The following YBEY variants were observed in gnomAD, a reference collection of about 807,000 sequenced individuals.
YBEY encodes endoribonuclease YbeY.
In YBEY, 15 loss-of-function variants were observed where a neutral mutation model predicts 13.5. That is an observed-to-expected ratio of 1.11 (90% CI 0.75 to 1.72). YBEY has a LOEUF of 1.72. Ranked by LOEUF, YBEY falls within the 40% of genes most tolerant of loss-of-function variation. The pLI is 0.00. For synonymous variants in YBEY, 101 were observed against 83.1 expected (o/e 1.21, Z -1.17); for missense variants, 244 against 208.4 (o/e 1.17, Z -1.05).
the YBEY span, chr21:46,311,476 C>T: frequency 1.3e-4 from 204 of 1,602,134 alleles, no homozygotes; most frequent in Middle Eastern, 1.6e-4. Flanking sequence ...ACTTCCTGAC[C>T]GTTGAGTAGG....
intron 3 of YBEY, 85 bp downstream of exon 3, chr21:46,291,547 G>C: frequency 6.3e-7 from 1 of 1,575,002 alleles, no homozygotes; most frequent in Admixed American, 1.9e-5. Context: ...CTGCATCCAT[G>C]TGTGTCCGTG....
downstream of YBEY, chr21:46,301,823 C>A (rs533281423): frequency 1.6e-4 from 205 of 1,262,782 alleles, no homozygotes; most frequent in Admixed American, 9.4e-4. Context: ...GGCCCCGTGA[C>A]CAGAAAGCGA....
downstream of YBEY, among the ~76,000 whole-genome samples, chr21:46,302,745 G>A (rs4819233): frequency 0.028 from 4,077 of 147,268 alleles, 34 homozygotes; most frequent in Admixed American, 0.068. Flanking sequence ...GGCGCGCCCT[G>A]AGCCCGTCTG....
intron 3 of YBEY, among the ~76,000 whole-genome samples, chr21:46,294,289 C>CTT (rs1304457751): frequency 1.2e-4 from 9 of 74,682 alleles, no homozygotes; most frequent in African/African-American, 3.4e-4. Context: ...ATTCCTCCCG[C>CTT]GGTTAGCCTG....
intron 4 of YBEY, among the ~76,000 whole-genome samples, chr21:46,296,960 C>T (rs551433156): frequency 1.7e-4 from 25 of 149,656 alleles, no homozygotes; most frequent in African/African-American, 6.2e-4. Context: ...CGCGTCATTG[C>T]ACTCCAGCCT....
chr21:46,305,886 G>A, the YBEY span, among the ~76,000 whole-genome samples: 2 of 152,030 alleles, frequency 1.3e-5, no homozygotes, highest in African/African-American at 2.4e-5. Flanking sequence ...AGCTTGCAGT[G>A]AGCTGAGATT....
Position 46,291,452 on chromosome 21 carries a change from A to G in YBEY, c.329A>G (p.Asp110Gly). The G allele has an allele frequency of 6.2e-7, 1 of 1,613,820 alleles. No individual in the cohort carries two copies. Among genetic ancestry groups the G allele is most frequent in the African/African-American group, 1.3e-5 (1 of 75,026 alleles). ...HQCKENEDYNDVLTVTATHGL... is the reference protein window; with the variant it reads ...HQCKENEDYNGVLTVTATHGL... ...TGTAAAGAAAATGAAGATTACAATG[A>G]CGTCCTGACTGTAAGCGGGGATGCT... The change falls in exon 3 of 5, where the codon GAC becomes GGC. Residue 110 changes from aspartate (D) to glycine (G), a missense_variant. Physicochemically the swap from Asp to Gly is moderately conservative, Grantham distance 94. Coordinates refer to ENST00000397701, the MANE Select transcript of YBEY (RefSeq NM_001314025.2).
rs1280601501 is a variant in YBEY, at chr21:46,291,247, GC to G, written c.211-85del. 9 of 1,505,628 alleles carry G rather than the reference GC, an allele frequency of 6.0e-6. No individual in the cohort carries two copies. The East Asian group carries it at 2.2e-4, about 36-fold the overall frequency. 93.3% of individuals were successfully genotyped at this position (1,505,628 alleles called of 1,614,324 possible). On this transcript the variant is annotated intron_variant, in intron 2 of 4. Coordinates refer to ENST00000397701, the MANE Select transcript of YBEY (RefSeq NM_001314025.2). ...TTGGCTCAGAGATAAGTGCTTATTT[GC>G]CTTGGGATTAACCAGGATGAAACCT...
At chr21:46,300,431 C>CAA, downstream of YBEY, 4 of 199,958 alleles carry the variant, frequency 2.0e-5, no homozygotes, top group South Asian at 8.6e-5. Context: ...AACTCTGTCT[C>CAA]AAAAAAAAAC....
At chr21:46,300,772 C>A (rs1432609309), downstream of YBEY, 3 of 1,289,172 alleles carry the variant, frequency 2.3e-6, no homozygotes, top group African/African-American at 1.5e-5. Flanking sequence ...TTGTGCGGAA[C>A]TTCAGGAATG....
Position 46,297,571 on chromosome 21 carries a change from G to C in YBEY, c.441G>C (p.Glu147Asp), listed in dbSNP as rs545143956. 4.3e-6 allele frequency: 6 copies of C among 1,395,774 alleles called. No homozygotes were observed. The highest frequency in any genetic ancestry group is 3.0e-5 in the African/African-American group (2 of 67,390). The allele number at this position is 1,395,774 out of a possible 1,614,324, so 86.5% of individuals were successfully genotyped here. A position where few individuals can be genotyped will look rare whatever the true frequency, so the allele number is the denominator to read the frequency against. Residue 147 changes from glutamate (E) to aspartate (D), a missense_variant, in exon 5 of 5, where the codon GAG (glutamate) becomes GAC (aspartate). Glu to Asp is a conservative substitution (Grantham distance 45, BLOSUM62 2). Coordinates refer to ENST00000397701, the MANE Select transcript of YBEY (RefSeq NM_001314025.2). ...MFQKEKAVLD[E>D]LGRRTGTRLQ... Reference sequence around the variant, plus strand: ...AGAAGGAGAAGGCGGTGCTGGACGAGCTGGGCCGACGCACGGGGACCCGGC... The same window carrying C: ...AGAAGGAGAAGGCGGTGCTGGACGACCTGGGCCGACGCACGGGGACCCGGC...
the YBEY span, among the ~76,000 whole-genome samples, chr21:46,312,852 A>G: frequency 6.6e-6 from 1 of 152,224 alleles, no homozygotes; most frequent in Non-Finnish European, 1.5e-5. Flanking sequence ...CCCAGCCCCC[A>G]TAACAACTTG....
At chr21:46,300,661 G>A, downstream of YBEY, 1 of 1,259,968 alleles carries the variant, frequency 7.9e-7, no homozygotes, top group Non-Finnish European at 1.0e-6. Context: ...GCACCAGGTG[G>A]CTGTCCCTGG....
the YBEY span, among the ~76,000 whole-genome samples, chr21:46,305,788 A>G: frequency 6.6e-6 from 1 of 151,994 alleles, no homozygotes; most frequent in African/African-American, 2.4e-5. Context: ...AAATACAAAA[A>G]AAAATTAGCC....
In YBEY at chr21:46,296,375, T is replaced by G. The variant is rs1014680775; in HGVS notation, c.408+145T>G. ...GCCCTTGTAAAAATGACACAGATGT[T>G]TGCTTTCAACACCGGGCTCCCCAAA... On this transcript the variant is annotated intron_variant, in intron 4 of 4. Transcript: ENST00000397701. 5 of 886,426 alleles carry G rather than the reference T, an allele frequency of 5.6e-6. No homozygotes were observed. In the Admixed American group the frequency reaches 7.1e-5, roughly 13 times the overall value. The allele number at this position is 886,426 out of a possible 1,614,324, so 54.9% of individuals were successfully genotyped here.
At chr21:46,295,669 G>GC (rs1431838380) in intron 3 of YBEY, among the ~76,000 whole-genome samples, 12 of 152,222 alleles carry the variant, frequency 7.9e-5, no homozygotes, top group Admixed American at 3.9e-4. Context: ...TGCTGCCTGT[G>GC]CCCCAAAGCT....
At chr21:46,301,097 T>A (rs1036395026), downstream of YBEY, 19 of 1,010,440 alleles carry the variant, frequency 1.9e-5, no homozygotes, top group East Asian at 6.7e-4. Context: ...TTTTTTTTTT[T>A]ATTAACTCAA....
At chr21:46,295,179 C>T (rs1215754144) in intron 3 of YBEY, among the ~76,000 whole-genome samples, 3 of 152,236 alleles carry the variant, frequency 2.0e-5, no homozygotes, top group African/African-American at 7.2e-5. Flanking sequence ...TCCTCGGGCC[C>T]AGAGCCCTCT....
At chr21:46,296,579 C>G (rs1269879273) in intron 4 of YBEY, among the ~76,000 whole-genome samples, 1 of 152,176 alleles carries the variant, frequency 6.6e-6, no homozygotes, top group Non-Finnish European at 1.5e-5. Flanking sequence ...TTCCTCCAGA[C>G]CCATGCGCTC....
Sources: allele counts gnomAD v4.1 joint callset (sites outside exome capture counted in the v4.1 genomes callset), GRCh38; gene constraint gnomAD v4.1.1; transcripts MANE v1.5; gene names NCBI Gene and HGNC (gene_info 2026-07-23, HGNC 2026-07-21).